Variants in CCBE1 observed in about 807,000 individuals in gnomAD.
CCBE1 encodes collagen and calcium-binding EGF domain-containing protein 1.
CCBE1 carries 37 observed loss-of-function variants against 50.0 expected under a neutral mutation model. That is an observed-to-expected ratio of 0.74 (90% confidence interval 0.57 to 0.97). CCBE1 has a LOEUF of 0.97. Ranked by LOEUF, CCBE1 falls within the 50% of genes least tolerant of loss-of-function variation. The probability of loss-of-function intolerance (pLI) is 0.00; values close to 1 mark genes in which losing one functional copy is unlikely to be tolerated. For missense variants in CCBE1, 538 were observed against 523.8 expected (o/e 1.03, Z -0.26); for synonymous variants, 234 against 203.7 (o/e 1.15, Z -1.27).
intron 2 of CCBE1, among the ~76,000 whole-genome samples, chr18:59,544,994 A>T (rs949327956): frequency 6.6e-6 from 1 of 152,224 alleles, no homozygotes; most frequent in Non-Finnish European, 1.5e-5. Context: ...ATGTTAATAC[A>T]ATCAATATAC....
At chr18:59,695,511 C>A (rs1568278033) in intron 2 of CCBE1, among the ~76,000 whole-genome samples, 1 of 152,148 alleles carries the variant, frequency 6.6e-6, no homozygotes, top group South Asian at 2.1e-4. Context: ...CCCTTCACTG[C>A]CAACAACAGA....
At chr18:59,437,970 C>T in intron 10 of CCBE1, 141 bp downstream of exon 10, 1 of 698,572 alleles carries the variant, frequency 1.4e-6, no homozygotes, top group Non-Finnish European at 2.5e-6. Flanking sequence ...GACTCTCTTC[C>T]TAACCACAGA....
rs181010692 is a variant in CCBE1, at chr18:59,480,178, T to G, written c.265+8A>C. ...AAAGTCAGACAATATCTTTTTTATA[T>G]TACATACCTTCTGGGATGCATTGTC... On this transcript the variant is annotated splice_region_variant and intron_variant, in intron 3 of 10. Coordinates refer to ENST00000439986, the MANE Select transcript of CCBE1 (RefSeq NM_133459.4). The G allele has an allele frequency of 6.5e-4, 1,005 of 1,557,536 alleles. No individual in the cohort carries two copies. Among genetic ancestry groups the G allele is most frequent in the Non-Finnish European group, 8.1e-4 (915 of 1,129,250 alleles).
chr18:59,570,714 A>T (rs768044979), intron 2 of CCBE1, among the ~76,000 whole-genome samples: 5 of 152,208 alleles, frequency 3.3e-5, no homozygotes, highest in Admixed American at 6.5e-5. Flanking sequence ...GGCCTCAGGC[A>T]GCTCATTAAC....
intron 2 of CCBE1, among the ~76,000 whole-genome samples, chr18:59,618,176 C>T (rs750587220): frequency 1.1e-4 from 16 of 152,086 alleles, no homozygotes; most frequent in African/African-American, 2.9e-4. Flanking sequence ...GAGCTGAGAG[C>T]GGTGGCTCAT....
At chr18:59,533,012 C>T (rs1915110775) in intron 2 of CCBE1, among the ~76,000 whole-genome samples, 1 of 152,168 alleles carries the variant, frequency 6.6e-6, no homozygotes, top group Non-Finnish European at 1.5e-5. Context: ...AGAAGGTCAA[C>T]ATAAAAGCAA....
At chr18:59,661,078 A>T (rs2054278318) in intron 2 of CCBE1, among the ~76,000 whole-genome samples, 1 of 152,000 alleles carries the variant, frequency 6.6e-6, no homozygotes, top group African/African-American at 2.4e-5. Flanking sequence ...GAGATAGTCC[A>T]ACAATATAGA....
chr18:59,674,401 T>C (rs1225039690), intron 2 of CCBE1, among the ~76,000 whole-genome samples: 2 of 152,030 alleles, frequency 1.3e-5, no homozygotes, highest in Non-Finnish European at 2.9e-5. Context: ...TTCTCACTTA[T>C]AAGTGGGAGT....
intron 2 of CCBE1, among the ~76,000 whole-genome samples, chr18:59,628,670 T>G (rs531287542): frequency 2.6e-5 from 4 of 152,152 alleles, no homozygotes; most frequent in Non-Finnish European, 5.9e-5. Context: ...GACAATCAAG[T>G]AGCCTTGGGA....
intron 2 of CCBE1, among the ~76,000 whole-genome samples, chr18:59,487,344 T>C (rs937054634): frequency 6.6e-6 from 1 of 152,130 alleles, no homozygotes; most frequent in Non-Finnish European, 1.5e-5. Flanking sequence ...AAAGTGGTCC[T>C]GAATTTTTCT....
intron 2 of CCBE1, among the ~76,000 whole-genome samples, chr18:59,527,028 T>C (rs1032878956): frequency 6.6e-6 from 1 of 152,218 alleles, no homozygotes; most frequent in African/African-American, 2.4e-5. Context: ...ATAGGCTCAC[T>C]TGATCCAGAG....
chr18:59,517,940 G>A (rs563811279), intron 2 of CCBE1, among the ~76,000 whole-genome samples: 1 of 152,138 alleles, frequency 6.6e-6, no homozygotes, highest in Non-Finnish European at 1.5e-5. Flanking sequence ...CAGAATTGTT[G>A]GGCACAGGGG....
rs1368017778 is a variant in CCBE1, at chr18:59,451,991, C to T, written c.654+2860G>A. On this transcript the variant is annotated intron_variant, in intron 6 of 10. Coordinates refer to ENST00000439986, the MANE Select transcript of CCBE1 (RefSeq NM_133459.4). ...TATGTTTTAAAAAATAATGTATTACCCACCTGTGCATGCCTAGATATTATG... is the reference window on the plus strand; with the variant it reads ...TATGTTTTAAAAAATAATGTATTACTCACCTGTGCATGCCTAGATATTATG... Among the ~76,000 whole-genome samples the T allele has an allele frequency of 2.0e-5, 3 of 152,080 alleles. 1 individual carries two copies. Among genetic ancestry groups the T allele is most frequent in the African/African-American group, 7.2e-5 (3 of 41,384 alleles).
chr18:59,436,245 CT>C, intron 10 of CCBE1, 104 bp from the exon 11 acceptor site: 2 of 982,480 alleles, frequency 2.0e-6, no homozygotes, highest in Non-Finnish European at 3.2e-6. Context: ...TTCTCAATAA[CT>C]CTGTGCCCCA....
intron 2 of CCBE1, among the ~76,000 whole-genome samples, chr18:59,556,985 GT>G (rs2052665595): frequency 3.3e-5 from 5 of 152,212 alleles, no homozygotes; most frequent in Non-Finnish European, 7.3e-5. Context: ...TATCTTGTGT[GT>G]GATTTGGAAG....
Position 59,435,812 on chromosome 18 carries a change from T to C in CCBE1, c.*96A>G. 1 of 1,076,466 alleles carries C rather than the reference T, an allele frequency of 9.3e-7. No individual in the cohort carries two copies. Among genetic ancestry groups the C allele is most frequent in the Non-Finnish European group, 1.4e-6 (1 of 691,308 alleles). The allele number at this position is 1,076,466 out of a possible 1,614,324, so 66.7% of individuals were successfully genotyped here. The stretch of plus-strand genomic sequence containing the variant: ...GGAGAAGAGAAGAGAAAAATGTATG[T>C]TTTCTAGGTCTCCAGTGGTCTTTCT... On this transcript the variant is annotated 3_prime_UTR_variant, in exon 11 of 11. Transcript: ENST00000439986.
intron 2 of CCBE1, among the ~76,000 whole-genome samples, chr18:59,644,823 A>G (rs78496560): frequency 0.053 from 8,018 of 152,276 alleles, 636 homozygotes; most frequent in African/African-American, 0.17. Context: ...CTACATTTTA[A>G]AAAAGTCATT....
intron 5 of CCBE1, among the ~76,000 whole-genome samples, chr18:59,461,934 A>G (rs1911503113): frequency 6.6e-6 from 1 of 152,016 alleles, no homozygotes; most frequent in Non-Finnish European, 1.5e-5. Context: ...GGGTTTCACC[A>G]TGTTGGCCAG....
At chr18:59,644,906 C>CA (rs1254278191) in intron 2 of CCBE1, among the ~76,000 whole-genome samples, 1 of 152,214 alleles carries the variant, frequency 6.6e-6, no homozygotes, top group Non-Finnish European at 1.5e-5. Context: ...GAGATTATCT[C>CA]AAATTCTTTC....
Sources: gnomAD v4.1 joint callset for allele counts (sites outside exome capture counted in the v4.1 genomes callset) on GRCh38, gnomAD v4.1.1 for gene constraint, MANE v1.5 for transcripts, NCBI Gene and HGNC (gene_info 2026-07-23, HGNC 2026-07-21) for gene names.